AGBL1: variants seen among roughly 807,000 people sequenced by gnomAD.
AGBL1 encodes the protein AGBL carboxypeptidase 1.
AGBL1 carries 130 observed loss-of-function variants against 118.9 expected under a neutral mutation model. The ratio of observed to expected loss-of-function variants is 1.09; its 90% CI spans 0.95 to 1.26. AGBL1 has a LOEUF of 1.26. Among genes scored for constraint, AGBL1 ranks in the 50% most tolerant of loss-of-function variants. AGBL1 has a pLI of 0.00. For missense variants in AGBL1, 1,584 were observed against 1,298.1 expected (o/e 1.22, Z -3.38); for synonymous variants, 555 against 478.9 (o/e 1.16, Z -2.08).
intron 18 of AGBL1, among the ~76,000 whole-genome samples, chr15:86,438,699 T>C (rs933933993): frequency 1.6e-4 from 23 of 148,368 alleles, no homozygotes; most frequent in African/African-American, 5.8e-4. Context: ...TCTCGCTCTG[T>C]CACCCAGGCT....
intron 22 of AGBL1, among the ~76,000 whole-genome samples, chr15:86,780,749 C>A (rs1306686073): frequency 6.6e-6 from 1 of 151,206 alleles, no homozygotes; most frequent in African/African-American, 2.4e-5. Context: ...CTGCGACTTC[C>A]ACCTCCCGGG....
intron 1 of AGBL1, among the ~76,000 whole-genome samples, chr15:86,133,198 C>T (rs1315349445): frequency 6.6e-6 from 1 of 152,160 alleles, no homozygotes; most frequent in Non-Finnish European, 1.5e-5. Context: ...CTCCCTGTCT[C>T]CCTCTACCTC....
chr15:86,371,464 T>A (rs1196186713), intron 17 of AGBL1, among the ~76,000 whole-genome samples: 2 of 152,150 alleles, frequency 1.3e-5, no homozygotes, highest in Non-Finnish European at 1.5e-5. Context: ...TTCATATATA[T>A]CATATGTTTT....
chr15:86,874,381 GACAC>G (rs58756904), intron 22 of AGBL1, among the ~76,000 whole-genome samples: 1,979 of 149,006 alleles, frequency 0.013, 20 homozygotes, highest in African/African-American at 0.024. Flanking sequence ...TTGTGGGTGG[GACAC>G]ACACACACAC....
Position 86,674,374 on chromosome 15 carries a change from C to T in AGBL1, c.3096C>T (p.Leu1032=), listed in dbSNP as rs371637847. 1.2e-6 allele frequency: 2 copies of T among 1,612,998 alleles called. No individual in the cohort carries two copies. Among genetic ancestry groups the T allele is most frequent in the Non-Finnish European group, 1.7e-6 (2 of 1,179,574 alleles). The stretch of plus-strand genomic sequence containing the variant: ...AATCTGCCAGCTGCAGCCATCAGCT[C>T]CTGGCTCAAGCTGCAACTCTGCTGA... ...ELKSASCSHQ[L]LAQAATLLSA... is the part of the protein sequence containing the mutation. Residue 1032 remains leucine, a synonymous_variant, in exon 22 of 23, where the codon CTC becomes CTT. Coordinates refer to ENST00000614907, the MANE Select transcript of AGBL1 (RefSeq NM_001386094.1).
At chr15:86,347,625 G>C (rs1050836898) in intron 17 of AGBL1, among the ~76,000 whole-genome samples, 1 of 152,176 alleles carries the variant, frequency 6.6e-6, no homozygotes, top group African/African-American at 2.4e-5. Context: ...CCTTCCTGAA[G>C]ATGTTGCATG....
At chr15:86,263,809 A>C (rs901474987) in intron 10 of AGBL1, among the ~76,000 whole-genome samples, 1 of 152,212 alleles carries the variant, frequency 6.6e-6, no homozygotes, top group Non-Finnish European at 1.5e-5. Context: ...GTATAAGCTA[A>C]GTCATGTGTA....
intron 23 of AGBL1, among the ~76,000 whole-genome samples, chr15:86,979,022 G>T (rs1047971416): frequency 6.6e-6 from 1 of 152,176 alleles, no homozygotes; most frequent in African/African-American, 2.4e-5. Context: ...TGAAGGCACA[G>T]GCTTCAGAAA....
chr15:86,281,439 G>A (rs1294909229), intron 16 of AGBL1, among the ~76,000 whole-genome samples: 1 of 152,070 alleles, frequency 6.6e-6, no homozygotes, highest in African/African-American at 2.4e-5. Flanking sequence ...CTAGGGATGG[G>A]GATTCCTTTT....
At chr15:86,754,423 G>T (rs1288018679) in intron 22 of AGBL1, among the ~76,000 whole-genome samples, 1 of 152,096 alleles carries the variant, frequency 6.6e-6, no homozygotes, top group Non-Finnish European at 1.5e-5. Context: ...TCACCAGGTA[G>T]GTTCTGATGT....
At chr15:86,468,291 G>A (rs368448504) in intron 18 of AGBL1, among the ~76,000 whole-genome samples, 2 of 152,148 alleles carry the variant, frequency 1.3e-5, no homozygotes, top group Admixed American at 1.3e-4. Flanking sequence ...AACTTTGCAA[G>A]GTCTGTCTTT....
chr15:86,829,532 A>G (rs1019746170), intron 22 of AGBL1, among the ~76,000 whole-genome samples: 2 of 152,190 alleles, frequency 1.3e-5, no homozygotes, highest in Non-Finnish European at 2.9e-5. Context: ...CAGGCCTTCT[A>G]TGGAAGAGAA....
At chr15:86,472,251 G>C (rs970106836) in intron 18 of AGBL1, among the ~76,000 whole-genome samples, 4 of 152,196 alleles carry the variant, frequency 2.6e-5, no homozygotes, top group Non-Finnish European at 5.9e-5. Context: ...GATGACTAGA[G>C]GATTCATATC....
At chr15:86,262,704 A>G (rs1485415343) in intron 9 of AGBL1, 74 bp from the exon 10 acceptor site, 5 of 994,108 alleles carry the variant, frequency 5.0e-6, no homozygotes, top group Non-Finnish European at 4.7e-6. Context: ...GAAGAAGCAC[A>G]TACATATCAT....
intron 6 of AGBL1, among the ~76,000 whole-genome samples, chr15:86,242,663 C>A (rs2078658647): frequency 6.6e-6 from 1 of 152,184 alleles, no homozygotes; most frequent in South Asian, 2.1e-4. Flanking sequence ...TTAAAGCTTC[C>A]AATACGTTAC....
chr15:86,162,539 A>C (rs1297214728), intron 5 of AGBL1, among the ~76,000 whole-genome samples: 1 of 152,206 alleles, frequency 6.6e-6, no homozygotes, highest in Admixed American at 6.5e-5. Context: ...CCCTCAGCCC[A>C]GGGCAGGCAG....
intron 18 of AGBL1, among the ~76,000 whole-genome samples, chr15:86,430,558 A>G (rs1464459901): frequency 3.9e-5 from 6 of 151,944 alleles, no homozygotes; most frequent in Non-Finnish European, 7.4e-5. Context: ...TCTAGATCTT[A>G]GGGAAGCAGT....
At chr15:86,956,937 C>G (rs1044301730) in intron 23 of AGBL1, among the ~76,000 whole-genome samples, 3 of 152,004 alleles carry the variant, frequency 2.0e-5, no homozygotes, top group African/African-American at 7.2e-5. Flanking sequence ...AGTGTGTATA[C>G]AGAATGAATT....
intron 22 of AGBL1, among the ~76,000 whole-genome samples, chr15:86,753,420 C>T (rs1285894883): frequency 9.0e-5 from 10 of 110,652 alleles, no homozygotes; most frequent in Non-Finnish European, 1.2e-4. Flanking sequence ...TTTTTTGAGA[C>T]AGAGTCTTAC....
Sources: allele counts gnomAD v4.1 joint callset (sites outside exome capture counted in the v4.1 genomes callset), GRCh38; gene constraint gnomAD v4.1.1; transcripts MANE v1.5; gene names NCBI Gene and HGNC (gene_info 2026-07-23, HGNC 2026-07-21).